Variants in FBLN2 observed in about 807,000 individuals in gnomAD.
The protein encoded by FBLN2 is fibulin-2.
In FBLN2, 81 loss-of-function variants were observed where a neutral mutation model predicts 123.7. That is an observed-to-expected ratio of 0.65 (90% CI 0.55 to 0.79). The LOEUF is 0.79. FBLN2 is among the 30% of genes least tolerant of loss of function. The probability of loss-of-function intolerance (pLI) is 0.00; values close to 1 mark genes in which losing one functional copy is unlikely to be tolerated. For synonymous variants in FBLN2, 699 were observed against 701.4 expected (o/e 1.00, Z 0.05); for missense variants, 1,603 against 1,681.3 (o/e 0.95, Z 0.81).
chr3:13,549,134 C>T lies in FBLN2; in HGVS notation c.-116C>T. ...CCGCCCCGCCCCGCGCGCACACAGC[C>T]AGGGGCCGCCCGGGCTCTCGACGCG... On this transcript the variant is annotated 5_prime_UTR_variant, in exon 1 of 18. Coordinates refer to ENST00000404922, the MANE Select transcript of FBLN2 (RefSeq NM_001004019.2). The T allele has an allele frequency of 4.1e-6, 4 of 982,938 alleles. No individual in the cohort carries two copies. Among genetic ancestry groups the T allele is most frequent in the Non-Finnish European group, 4.8e-6 (4 of 828,994 alleles). The allele number at this position is 982,938 out of a possible 1,614,324, so 60.9% of individuals were successfully genotyped here. A position where few individuals can be genotyped will look rare whatever the true frequency, so the allele number is the denominator to read the frequency against.
At chr3:13,617,585 AT>A (rs1705668384) in intron 5 of FBLN2, among the ~76,000 whole-genome samples, 1 of 87,818 alleles carries the variant, frequency 1.1e-5, no homozygotes, top group East Asian at 2.6e-4. Context: ...CCACCCATCC[AT>A]CCATCCATCC....
At chr3:13,583,075 C>T (rs1704386709) in intron 2 of FBLN2, among the ~76,000 whole-genome samples, 1 of 152,238 alleles carries the variant, frequency 6.6e-6, no homozygotes. Context: ...CTGCCAACTG[C>T]GTCAGCAAAC....
intron 1 of FBLN2, among the ~76,000 whole-genome samples, chr3:13,551,119 TG>T (rs1194489570): frequency 6.6e-6 from 1 of 152,198 alleles, no homozygotes; most frequent in Non-Finnish European, 1.5e-5. Context: ...CTGGCCTGCG[TG>T]GCCTTTGTGC....
In FBLN2 at chr3:13,618,913, C is replaced by G. The variant is rs1209238343; in HGVS notation, c.1949C>G (p.Pro650Arg). The G allele has an allele frequency of 6.2e-7, 1 of 1,612,626 alleles. No homozygotes were observed. The highest frequency in any genetic ancestry group is 1.7e-5 in the Admixed American group (1 of 59,916). The change falls in exon 7 of 18, where the codon CCT (proline) becomes CGT (arginine). Residue 650 changes from proline to arginine, a missense_variant. Pro to Arg is a moderately radical substitution (Grantham distance 103). Transcript: ENST00000404922. ...DGRTCRPEGH[P>R]PQPEAPQEPA... ...GCTCTACCCATGACAGAGGGTCACC[C>G]TCCACAGCCGGAAGCCCCACAGGAG...
chr3:13,635,234 C>T (rs1184681910), intron 16 of FBLN2, among the ~76,000 whole-genome samples: 3 of 152,094 alleles, frequency 2.0e-5, no homozygotes, highest in East Asian at 1.9e-4. Context: ...CTGTGGTTGC[C>T]CCTGGAACAC....
intron 5 of FBLN2, among the ~76,000 whole-genome samples, chr3:13,614,601 TCCATCCAC>T (rs1341743598): frequency 1.3e-3 from 137 of 108,858 alleles, no homozygotes; most frequent in African/African-American, 5.6e-3. Context: ...CATCCATCCA[TCCATCCAC>T]CCATCCACCC....
chr3:13,622,847 T>G (rs917547041), intron 9 of FBLN2, among the ~76,000 whole-genome samples: 1 of 152,206 alleles, frequency 6.6e-6, no homozygotes, highest in African/African-American at 2.4e-5. Flanking sequence ...GTAAATGCCA[T>G]CACAGAGACA....
Position 13,549,161 on chromosome 3 carries a change from C to A in FBLN2, c.-89C>A, listed in dbSNP as rs1341301977. 2 of 982,712 alleles carry A rather than the reference C, an allele frequency of 2.0e-6. No individual in the cohort carries two copies. Among genetic ancestry groups the A allele is most frequent in the Admixed American group, 6.2e-5 (1 of 16,030 alleles). The allele number at this position is 982,712 out of a possible 1,614,324, so 60.9% of individuals were successfully genotyped here. On this transcript the variant is annotated 5_prime_UTR_variant, in exon 1 of 18. Transcript: ENST00000404922. ...GGGGCCGCCCGGGCTCTCGACGCGC[C>A]GACGGCCGGGCGGACGGACGGACGG...
intron 4 of FBLN2, among the ~76,000 whole-genome samples, chr3:13,611,720 G>A (rs779873781): frequency 3.9e-5 from 6 of 152,176 alleles, no homozygotes; most frequent in Admixed American, 2.0e-4. Flanking sequence ...TGGCTATTGC[G>A]AATAGTAATG....
chr3:13,621,537 C>T (rs554139943), intron 8 of FBLN2, among the ~76,000 whole-genome samples: 29 of 152,268 alleles, frequency 1.9e-4, no homozygotes, highest in Admixed American at 1.6e-3. Flanking sequence ...CCACTGTGAC[C>T]GTGGGCAGCC....
At chr3:13,584,060 G>C (rs917008254) in intron 2 of FBLN2, among the ~76,000 whole-genome samples, 2 of 152,200 alleles carry the variant, frequency 1.3e-5, no homozygotes, top group Non-Finnish European at 2.9e-5. Context: ...GGGGACCAGA[G>C]ACTGTACCTA....
intron 1 of FBLN2, among the ~76,000 whole-genome samples, chr3:13,566,142 G>A (rs114230157): frequency 1.1e-4 from 16 of 152,130 alleles, no homozygotes; most frequent in African/African-American, 2.2e-4. Flanking sequence ...CTGTCCCCCC[G>A]CAGGGAGGTC....
chr3:13,621,668 C>A, intron 8 of FBLN2, 107 bp from the exon 9 acceptor site: 4 of 1,259,012 alleles, frequency 3.2e-6, no homozygotes, highest in East Asian at 2.5e-5. Flanking sequence ...AGGCCCCAGA[C>A]AGGCCCCTGC....
intron 1 of FBLN2, among the ~76,000 whole-genome samples, chr3:13,551,465 A>G (rs1703320587): frequency 6.6e-6 from 1 of 152,144 alleles, no homozygotes; most frequent in Admixed American, 6.5e-5. Context: ...GAACTCTTGC[A>G]CCTATTTAAG....
chr3:13,617,872 A>G (rs1169532567), intron 5 of FBLN2, among the ~76,000 whole-genome samples: 2 of 148,038 alleles, frequency 1.4e-5, no homozygotes, highest in East Asian at 4.1e-4. Flanking sequence ...CTATCTATTT[A>G]CCTGCCCACC....
chr3:13,631,447 G>A lies in FBLN2; in HGVS notation c.3204G>A (p.Arg1068=). 6.3e-7 allele frequency: 1 copy of A among 1,591,630 alleles called. No homozygotes were observed. Among genetic ancestry groups the A allele is most frequent in the Non-Finnish European group, 8.6e-7 (1 of 1,169,152 alleles). ...GCTACACCATGACGGCCAACGGGAG[G>A]TCCTGCAAGGGTGAGCAAGTCCCCC... ...EQGYTMTANG[R]SCKDVDECAL... Residue 1068 remains arginine, a synonymous_variant, in exon 16 of 18, where the codon AGG becomes AGA. Coordinates refer to ENST00000404922, the MANE Select transcript of FBLN2 (RefSeq NM_001004019.2).
intron 2 of FBLN2, among the ~76,000 whole-genome samples, chr3:13,574,287 C>T (rs1219995529): frequency 6.6e-6 from 1 of 152,214 alleles, no homozygotes; most frequent in Non-Finnish European, 1.5e-5. Context: ...ACAGGCTGTG[C>T]TGAGAGGCCT....
chr3:13,565,645 C>A (rs1228956546), intron 1 of FBLN2, among the ~76,000 whole-genome samples: 1 of 152,196 alleles, frequency 6.6e-6, no homozygotes, highest in Non-Finnish European at 1.5e-5. Context: ...ATACGTAAAG[C>A]GTTCATCTTT....
chr3:13,578,796 T>G (rs1704228810), intron 2 of FBLN2, among the ~76,000 whole-genome samples: 1 of 152,234 alleles, frequency 6.6e-6, no homozygotes, highest in Admixed American at 6.5e-5. Context: ...GGCTCACGCC[T>G]GTAATCCCAG....
Sources: gnomAD v4.1 joint callset for allele counts (sites outside exome capture counted in the v4.1 genomes callset) on GRCh38, gnomAD v4.1.1 for gene constraint, MANE v1.5 for transcripts, NCBI Gene and HGNC (gene_info 2026-07-23, HGNC 2026-07-21) for gene names.